The following LNX1 variants were observed in gnomAD, a reference collection of about 807,000 sequenced individuals.
LNX1 encodes the protein ligand of numb-protein X 1.
LNX1 carries 54 observed loss-of-function variants against 68.4 expected under a neutral mutation model. The ratio of observed to expected loss-of-function variants is 0.79; its 90% CI spans 0.63 to 0.99. The LOEUF is 0.99. LNX1 is among the 50% of genes least tolerant of loss of function. LNX1 has a pLI of 0.00. For synonymous variants in LNX1, 336 were observed against 350.0 expected (o/e 0.96, Z 0.45); for missense variants, 906 against 926.4 (o/e 0.98, Z 0.29).
intron 6 of LNX1, among the ~76,000 whole-genome samples, chr4:53,491,199 A>T (rs1259809858): frequency 6.6e-6 from 1 of 152,042 alleles, no homozygotes; most frequent in Admixed American, 6.6e-5. Flanking sequence ...GCACCGATTG[A>T]CCTGCAGAGG....
At chr4:53,583,151 T>C (rs139720032) in intron 1 of LNX1, among the ~76,000 whole-genome samples, 2 of 152,342 alleles carry the variant, frequency 1.3e-5, no homozygotes, top group Non-Finnish European at 2.9e-5. Context: ...CATCAAACTC[T>C]TATGGCAATT....
intron 1 of LNX1, among the ~76,000 whole-genome samples, chr4:53,632,439 T>A (rs1411367356): frequency 6.6e-6 from 1 of 152,176 alleles, no homozygotes; most frequent in African/African-American, 2.4e-5. Context: ...TCCCTTGAGA[T>A]GTTACCCCCT....
intron 1 of LNX1, among the ~76,000 whole-genome samples, chr4:53,640,453 T>G (rs1215874053): frequency 6.6e-6 from 1 of 152,064 alleles, no homozygotes; most frequent in South Asian, 2.1e-4. Flanking sequence ...AGAGAAGGAA[T>G]GAAGAAAGTG....
intron 2 of LNX1, among the ~76,000 whole-genome samples, chr4:53,610,913 A>T (rs1430155106): frequency 6.6e-6 from 1 of 151,992 alleles, no homozygotes; most frequent in Non-Finnish European, 1.5e-5. Context: ...TTTGATTTTT[A>T]AAAATGAGGA....
chr4:53,565,076 C>T (rs974676999), intron 2 of LNX1, among the ~76,000 whole-genome samples: 2 of 151,910 alleles, frequency 1.3e-5, no homozygotes, highest in South Asian at 2.1e-4. Flanking sequence ...GGGGGAGGGG[C>T]GCCTACCATT....
chr4:53,562,475 A>G (rs906919057), intron 2 of LNX1, among the ~76,000 whole-genome samples: 2 of 152,264 alleles, frequency 1.3e-5, no homozygotes, highest in African/African-American at 4.8e-5. Flanking sequence ...TCTGAAGACA[A>G]TCAATGATCT....
intron 9 of LNX1, among the ~76,000 whole-genome samples, chr4:53,469,036 C>A (rs941337134): frequency 9.2e-5 from 14 of 152,198 alleles, no homozygotes; most frequent in Non-Finnish European, 1.8e-4. Flanking sequence ...ACAGAATATA[C>A]ATTCTTTCCA....
At chr4:53,570,906 A>T (rs1385523732) in intron 2 of LNX1, among the ~76,000 whole-genome samples, 1 of 151,878 alleles carries the variant, frequency 6.6e-6, no homozygotes, top group Non-Finnish European at 1.5e-5. Context: ...GGGCACCTGT[A>T]GTCCCAACTA....
intron 2 of LNX1, among the ~76,000 whole-genome samples, chr4:53,546,695 C>T (rs939095802): frequency 6.6e-6 from 1 of 152,164 alleles, no homozygotes; most frequent in Non-Finnish European, 1.5e-5. Flanking sequence ...GGGCCACAGA[C>T]ACCACCAGCC....
chr4:53,635,946 A>T (rs1405323268), intron 1 of LNX1, among the ~76,000 whole-genome samples: 1 of 152,188 alleles, frequency 6.6e-6, no homozygotes, highest in East Asian at 1.9e-4. Flanking sequence ...GTGGGCTGAT[A>T]CGGCCAGTGA....
intron 1 of LNX1, among the ~76,000 whole-genome samples, chr4:53,640,968 G>T (rs1734658910): frequency 6.6e-6 from 1 of 152,220 alleles, no homozygotes; most frequent in African/African-American, 2.4e-5. Flanking sequence ...CGGGGCTGAG[G>T]CCTGGCCGTT....
chr4:53,632,273 C>G (rs538600111), intron 1 of LNX1, among the ~76,000 whole-genome samples: 1 of 152,274 alleles, frequency 6.6e-6, no homozygotes, highest in Non-Finnish European at 1.5e-5. Flanking sequence ...GGGCTCCCAT[C>G]CTCCCTTTTC....
At chr4:53,634,710 C>A (rs888309116) in intron 1 of LNX1, among the ~76,000 whole-genome samples, 1 of 152,086 alleles carries the variant, frequency 6.6e-6, no homozygotes, top group African/African-American at 2.4e-5. Context: ...GAATGTAGTC[C>A]ATTTCTCTCT....
chr4:53,640,437 G>T (rs1368911952), intron 1 of LNX1, among the ~76,000 whole-genome samples: 4 of 152,288 alleles, frequency 2.6e-5, no homozygotes, highest in Middle Eastern at 3.4e-3. Flanking sequence ...AGAAAAAAAT[G>T]GGGGGAGAGA....
chr4:53,613,928 G>C (rs532265974), intron 2 of LNX1, among the ~76,000 whole-genome samples: 14 of 152,110 alleles, frequency 9.2e-5, no homozygotes, highest in Non-Finnish European at 8.8e-5. Context: ...CCCACCAATG[G>C]GGTGTAAAAG....
chr4:53,608,104 A>G (rs1015567694), intron 2 of LNX1, among the ~76,000 whole-genome samples: 2 of 152,202 alleles, frequency 1.3e-5, no homozygotes, highest in African/African-American at 4.8e-5. Context: ...AACAAAAACA[A>G]AAATTGACAC....
At chr4:53,609,645 T>C (rs1184976890) in intron 2 of LNX1, among the ~76,000 whole-genome samples, 1 of 145,482 alleles carries the variant, frequency 6.9e-6, no homozygotes, top group African/African-American at 2.5e-5. Context: ...ATTATACTAT[T>C]TATAATACTA....
At chr4:53,527,878 G>A (rs2109604746) in intron 2 of LNX1, among the ~76,000 whole-genome samples, 1 of 152,236 alleles carries the variant, frequency 6.6e-6, no homozygotes, top group South Asian at 2.1e-4. Flanking sequence ...AGAATTACAG[G>A]GATTCTAGTT....
Position 53,460,803 on chromosome 4 carries a change from A to AATG in LNX1, c.*101_*103dup, listed in dbSNP as rs1721887409. On this transcript the variant is annotated 3_prime_UTR_variant, in exon 11 of 11. Coordinates refer to ENST00000263925, the MANE Select transcript of LNX1 (RefSeq NM_001126328.3). ...ATCATACTTTTCCTGACATTTTTAC[A>AATG]ATGTATTCTTTCTTTAAATATAAAA... 8.8e-7 allele frequency: 1 copy of AATG among 1,141,416 alleles called. No individual in the cohort carries two copies. Among genetic ancestry groups the AATG allele is most frequent in the African/African-American group, 1.6e-5 (1 of 61,544 alleles). The allele number at this position is 1,141,416 out of a possible 1,614,324, so 70.7% of individuals were successfully genotyped here.
Sources: gnomAD v4.1 joint callset for allele counts (sites outside exome capture counted in the v4.1 genomes callset) on GRCh38, gnomAD v4.1.1 for gene constraint, MANE v1.5 for transcripts, NCBI Gene and HGNC (gene_info 2026-07-23, HGNC 2026-07-21) for gene names.